Variants in GOLGA5 observed in about 807,000 individuals in gnomAD.
GOLGA5 encodes the protein golgin subfamily A member 5.
A neutral mutation model predicts 93.5 loss-of-function variants in GOLGA5; 50 were observed. The observed-to-expected ratio is 0.53, with a 90% CI of 0.43 to 0.68. GOLGA5 has a LOEUF of 0.68. Ranked by LOEUF, GOLGA5 falls within the 30% of genes least tolerant of loss-of-function variation. The probability of loss-of-function intolerance (pLI) is 0.00; values close to 1 mark genes in which losing one functional copy is unlikely to be tolerated. For synonymous variants in GOLGA5, 312 were observed against 304.5 expected (o/e 1.02, Z -0.26); for missense variants, 760 against 856.4 (o/e 0.89, Z 1.40).
chr14:92,796,655 A>G (rs943824111), intron 1 of GOLGA5, among the ~76,000 whole-genome samples: 4 of 152,152 alleles, frequency 2.6e-5, no homozygotes, highest in African/African-American at 7.2e-5. Context: ...AGTTCAGCCC[A>G]TAACAGATGC....
Position 92,823,980 on chromosome 14 carries a change from A to T in GOLGA5, c.1621-566A>T, listed in dbSNP as rs1419180292. Reference sequence around the variant, plus strand: ...TGTTGTTAAATTTGTTTTTGCTACTATTATTTCTTGGGGCCTTTTTCTCAT... The same window carrying T: ...TGTTGTTAAATTTGTTTTTGCTACTTTTATTTCTTGGGGCCTTTTTCTCAT... On this transcript the variant is annotated intron_variant, in intron 8 of 12. Transcript: ENST00000163416. 3.9e-5 allele frequency among the ~76,000 whole-genome samples: 6 copies of T among 152,108 alleles called. No individual in the cohort carries two copies. The East Asian group carries it at 5.8e-4, about 15-fold the overall frequency.
Position 92,824,610 on chromosome 14 carries a change from A to C in GOLGA5, c.1685A>C (p.Asp562Ala), listed in dbSNP as rs749407535. The change falls in exon 9 of 13, where the codon GAT becomes GCT. Residue 562 changes from aspartate (D) to alanine (A), a missense_variant. Coordinates refer to ENST00000163416, the MANE Select transcript of GOLGA5 (RefSeq NM_005113.4). ...TKNTLQSRIK[D>A]RDEEIQKLRN... ...AACACATTGCAAAGCAGAATTAAAG[A>C]TCGAGACGAAGAAATTCAAAAACTC... 1.9e-6 allele frequency: 3 copies of C among 1,602,660 alleles called. No individual in the cohort carries two copies. In the Admixed American group the frequency reaches 5.1e-5, roughly 27 times the overall value.
intron 1 of GOLGA5, among the ~76,000 whole-genome samples, chr14:92,796,611 G>T (rs926213108): frequency 6.6e-6 from 1 of 152,066 alleles, no homozygotes; most frequent in African/African-American, 2.4e-5. Flanking sequence ...AGGTCTGGGG[G>T]TTAGGACTTA....
chr14:92,807,002 T>A, intron 3 of GOLGA5, 39 bp downstream of exon 3: 4 of 1,382,654 alleles, frequency 2.9e-6, no homozygotes, highest in Non-Finnish European at 4.1e-6. Flanking sequence ...AATTTAACTT[T>A]TAAAAATAAA....
intron 8 of GOLGA5, among the ~76,000 whole-genome samples, chr14:92,821,654 C>T (rs569443420): frequency 6.6e-5 from 10 of 152,200 alleles, no homozygotes; most frequent in Non-Finnish European, 1.3e-4. Context: ...TCTTTAAAGA[C>T]GTTTTTCATT....
chr14:92,831,810 T>TAA (rs1470609310), intron 9 of GOLGA5, among the ~76,000 whole-genome samples: 1 of 152,052 alleles, frequency 6.6e-6, no homozygotes, highest in African/African-American at 2.4e-5. Flanking sequence ...AAAGGATTCA[T>TAA]AAGAAAGGAA....
chr14:92,812,795 C>T (rs1324921738), intron 6 of GOLGA5, among the ~76,000 whole-genome samples: 3 of 152,184 alleles, frequency 2.0e-5, no homozygotes, highest in Non-Finnish European at 4.4e-5. Context: ...CTCTTGGGCG[C>T]TCTTCCCAAT....
intron 6 of GOLGA5, 39 bp downstream of exon 6, chr14:92,811,793 C>T (rs755028856): frequency 1.7e-5 from 24 of 1,426,124 alleles, no homozygotes; most frequent in Non-Finnish European, 2.2e-5. Context: ...TTAAGATGTG[C>T]AAGTTAACTG....
At chr14:92,819,615 G>C in intron 7 of GOLGA5, 93 bp from the exon 8 acceptor site, 1 of 1,214,188 alleles carries the variant, frequency 8.2e-7, no homozygotes, top group East Asian at 2.4e-5. Flanking sequence ...CCTGGGTGAC[G>C]TGAGACTCTG....
At chr14:92,810,121 A>G in intron 4 of GOLGA5, 133 bp from the exon 5 acceptor site, 1 of 611,086 alleles carries the variant, frequency 1.6e-6, no homozygotes, top group East Asian at 3.1e-5. Context: ...TAGAAAGGAA[A>G]GATTTATCTA....
chr14:92,797,895 C>G lies in GOLGA5; in HGVS notation c.458C>G (p.Ser153Cys). The change falls in exon 2 of 13, where the codon TCT (serine) becomes TGT (cysteine). Residue 153 changes from serine (S) to cysteine (C), a missense_variant. Coordinates refer to ENST00000163416, the MANE Select transcript of GOLGA5 (RefSeq NM_005113.4). ...EKGKTPVFQS[S>C]QTSSVSSVNP... ...GGCAAGACACCTGTCTTTCAGAGCT[C>G]TCAGACATCAAGTGTCAGTTCTGTG... 6.2e-7 allele frequency: 1 copy of G among 1,613,056 alleles called. No individual in the cohort carries two copies. The highest frequency in any genetic ancestry group is 1.1e-5 in the South Asian group (1 of 91,012).
At chr14:92,819,959 C>T (rs1885282721) in intron 8 of GOLGA5, 123 bp downstream of exon 8, 2 of 858,366 alleles carry the variant, frequency 2.3e-6, no homozygotes, top group Non-Finnish European at 1.8e-6. Context: ...CCACAAGTTC[C>T]TCCTGCCTTC....
At position 92,833,433 on chromosome 14, in the gene GOLGA5, A is replaced by G; in HGVS notation, c.1945+86A>G. ...GAAGGACTATTTTTATTTGAAAGAA[A>G]CTTCATCCAGTGAAGGACTCAATTT... is the stretch of plus-strand genomic sequence containing the variant. On this transcript the variant is annotated intron_variant, in intron 10 of 12. Coordinates refer to ENST00000163416, the MANE Select transcript of GOLGA5 (RefSeq NM_005113.4). 3 of 990,930 alleles carry G rather than the reference A, an allele frequency of 3.0e-6. No individual in the cohort carries two copies. In the South Asian group the frequency reaches 4.3e-5, roughly 14 times the overall value. 61.4% of individuals were successfully genotyped at this position (990,930 alleles called of 1,614,324 possible).
rs536919388 is a variant in GOLGA5 at position 92,836,749 on chromosome 14, G to A, written c.2052-637G>A. 3.3e-5 allele frequency among the ~76,000 whole-genome samples: 5 copies of A among 152,016 alleles called. No homozygotes were observed. In the East Asian group the frequency reaches 5.8e-4, roughly 18 times the overall value. On this transcript the variant is annotated intron_variant, in intron 11 of 12. Coordinates refer to ENST00000163416, the MANE Select transcript of GOLGA5 (RefSeq NM_005113.4). Reference sequence around the variant, plus strand: ...ATAGTTGACACCCACCTAATCTTTCGTAACTTCTGTAATTCCACTAAAAAA... The same window carrying A: ...ATAGTTGACACCCACCTAATCTTTCATAACTTCTGTAATTCCACTAAAAAA...
chr14:92,798,895 C>A (rs8014736), intron 2 of GOLGA5, among the ~76,000 whole-genome samples: 2 of 152,120 alleles, frequency 1.3e-5, no homozygotes, highest in African/African-American at 2.4e-5. Flanking sequence ...CAGCCTGGGC[C>A]GTAGAATGAG....
intron 11 of GOLGA5, among the ~76,000 whole-genome samples, chr14:92,836,457 A>C (rs1313961969): frequency 1.3e-5 from 2 of 152,192 alleles, no homozygotes; most frequent in Admixed American, 1.3e-4. Context: ...CAACATACGT[A>C]GTTGTTAGAG....
chr14:92,807,008 A>G, intron 3 of GOLGA5, 45 bp downstream of exon 3: 1 of 1,345,740 alleles, frequency 7.4e-7, no homozygotes, highest in Non-Finnish European at 1.1e-6. Flanking sequence ...ACTTTTAAAA[A>G]TAAACTTAAG....
chr14:92,810,199 T>G, intron 4 of GOLGA5, 55 bp from the exon 5 acceptor site: 1 of 1,336,156 alleles, frequency 7.5e-7, no homozygotes, highest in Middle Eastern at 1.8e-4. Flanking sequence ...TTATTCTGCC[T>G]TATCACTTGT....
At chr14:92,808,182 G>A (rs1261601071) in intron 3 of GOLGA5, among the ~76,000 whole-genome samples, 1 of 152,142 alleles carries the variant, frequency 6.6e-6, no homozygotes, top group East Asian at 1.9e-4. Flanking sequence ...AGGAGGTGGA[G>A]GTTGCAGTGA....
Sources: gnomAD v4.1 joint callset for allele counts (sites outside exome capture counted in the v4.1 genomes callset) on GRCh38, gnomAD v4.1.1 for gene constraint, MANE v1.5 for transcripts, NCBI Gene and HGNC (gene_info 2026-07-23, HGNC 2026-07-21) for gene names.